LY86: variants seen among roughly 807,000 people sequenced by gnomAD.
The protein encoded by LY86 is MD-1, RP105-associated.
LY86 carries 20 observed loss-of-function variants against 17.3 expected under a neutral mutation model. The observed-to-expected ratio is 1.15, with a 90% CI of 0.81 to 1.68. The LOEUF (loss-of-function observed/expected upper bound fraction) is 1.68. Ranked by LOEUF, LY86 falls within the 40% of genes most tolerant of loss-of-function variation. The pLI is 0.00. For synonymous variants in LY86, 74 were observed against 70.6 expected, an observed-to-expected ratio of 1.05 and a Z score of -0.24; for missense variants, 200 against 191.9, an observed-to-expected ratio of 1.04 and a Z score of -0.25.
At chr6:6,611,376 C>T (rs1488863897) in intron 1 of LY86, among the ~76,000 whole-genome samples, 1 of 152,176 alleles carries the variant, frequency 6.6e-6, no homozygotes, top group Non-Finnish European at 1.5e-5. Flanking sequence ...CCTCAGTTTT[C>T]CCAATTCTAA....
intron 1 of LY86, among the ~76,000 whole-genome samples, chr6:6,612,085 G>A (rs747955173): frequency 6.6e-6 from 1 of 152,178 alleles, no homozygotes; most frequent in Non-Finnish European, 1.5e-5. Context: ...AGCAAGATTT[G>A]AGAAGATCCA....
chr6:6,650,243 C>A (rs1367891138), intron 4 of LY86, among the ~76,000 whole-genome samples: 1 of 152,188 alleles, frequency 6.6e-6, no homozygotes, highest in Non-Finnish European at 1.5e-5. Flanking sequence ...TCCACTAATT[C>A]CTTTCTGTTC....
In LY86 at chr6:6,610,340, T is replaced by TA. The variant is rs377649663; in HGVS notation, c.137-14579dup. On this transcript the variant is annotated intron_variant, in intron 1 of 4. Transcript: ENST00000230568. ...ATTTCAAGATAAAAAGATTTTATTT[T>TA]AAAAAAATGGCCTGAAGCTCTTGAG... 4.7e-3 allele frequency among the ~76,000 whole-genome samples: 714 copies of TA among 152,244 alleles called. 5 individuals carry two copies. The highest frequency in any genetic ancestry group is 0.016 in the African/African-American group (657 of 41,532).
intron 4 of LY86, among the ~76,000 whole-genome samples, chr6:6,653,497 TG>T (rs1477293985): frequency 6.6e-6 from 1 of 152,158 alleles, no homozygotes; most frequent in Non-Finnish European, 1.5e-5. Flanking sequence ...GGTGCAGGAC[TG>T]GGGTGCTGGC....
At chr6:6,611,677 C>T (rs572855101) in intron 1 of LY86, among the ~76,000 whole-genome samples, 6 of 152,352 alleles carry the variant, frequency 3.9e-5, no homozygotes, top group South Asian at 2.1e-4. Context: ...CTTGTGGCTA[C>T]GCTGCGCGCC....
intron 1 of LY86, among the ~76,000 whole-genome samples, chr6:6,589,394 A>G (rs1039356603): frequency 1.3e-5 from 2 of 152,220 alleles, no homozygotes; most frequent in African/African-American, 4.8e-5. Context: ...AGCACTTCGC[A>G]TGCAGCTATC....
intron 1 of LY86, among the ~76,000 whole-genome samples, chr6:6,618,067 C>T (rs1011179622): frequency 1.4e-3 from 220 of 152,310 alleles, no homozygotes; most frequent in African/African-American, 5.0e-3. Context: ...TCTTGAACTC[C>T]TCACCTCAGG....
At chr6:6,611,067 G>T (rs1426425443) in intron 1 of LY86, among the ~76,000 whole-genome samples, 1 of 152,098 alleles carries the variant, frequency 6.6e-6, no homozygotes, top group Non-Finnish European at 1.5e-5. Context: ...TTAAGATCTG[G>T]CCGTGTCTGA....
rs1243969964 is a variant in LY86 at position 6,648,072 on chromosome 6, A to T, written c.353-1553A>T. Among the ~76,000 whole-genome samples, 4 of 151,770 alleles carry T rather than the reference A, an allele frequency of 2.6e-5. No homozygotes were observed. In the South Asian group the frequency reaches 6.3e-4, roughly 24 times the overall value. ...CACCCCCATCTATCCAGATGCTCAA[A>T]CCAAAATCTTCCTGGCCCCCACTCT... On this transcript the variant is annotated intron_variant, in intron 3 of 4. Transcript: ENST00000230568.
rs916038805 is a variant in LY86 at position 6,626,299 on chromosome 6, A to T, written c.230A>T (p.Asp77Val). 2.0e-5 allele frequency: 33 copies of T among 1,613,918 alleles called. No individual in the cohort carries two copies. The highest frequency in any genetic ancestry group is 1.4e-4 in the South Asian group (13 of 91,082). Residue 77 changes from aspartate (D) to valine (V), a missense_variant, in exon 3 of 5, where the codon GAC becomes GTC. Asp to Val is a radical substitution (Grantham distance 152, BLOSUM62 -3). Transcript: ENST00000230568. Reference sequence around the variant, plus strand: ...GTTCTTCTCTTTCCTCCAGGAGAGGACATCAAAGAGCTTTTTCTTGACCTA... The same window carrying T: ...GTTCTTCTCTTTCCTCCAGGAGAGGTCATCAAAGAGCTTTTTCTTGACCTA... ...NIRFGIILRE[D>V]IKELFLDLAL...
At chr6:6,607,396 TTTAAGATTTA>T (rs1312633432) in intron 1 of LY86, among the ~76,000 whole-genome samples, 2 of 152,226 alleles carry the variant, frequency 1.3e-5, no homozygotes, top group Non-Finnish European at 1.5e-5. Flanking sequence ...GAAGTTTATT[TTTAAGATTTA>T]TTAAGATATT....
chr6:6,619,012 T>C (rs1761616163), intron 1 of LY86, among the ~76,000 whole-genome samples: 1 of 152,222 alleles, frequency 6.6e-6, no homozygotes, highest in Non-Finnish European at 1.5e-5. Flanking sequence ...TGCATTGTGC[T>C]GGTAATGGAT....
chr6:6,600,826 C>T (rs988241533), intron 1 of LY86, among the ~76,000 whole-genome samples: 22 of 152,060 alleles, frequency 1.4e-4, no homozygotes, highest in African/African-American at 2.4e-5. Context: ...GGATATTTTC[C>T]TAAAGGGAAG....
At chr6:6,610,655 G>C (rs973262305) in intron 1 of LY86, among the ~76,000 whole-genome samples, 1 of 152,170 alleles carries the variant, frequency 6.6e-6, no homozygotes, top group Non-Finnish European at 1.5e-5. Flanking sequence ...GGTCAAGCTA[G>C]AAGGCCAAAG....
intron 3 of LY86, among the ~76,000 whole-genome samples, chr6:6,628,690 G>A (rs1761846949): frequency 6.6e-6 from 1 of 152,088 alleles, no homozygotes; most frequent in African/African-American, 2.4e-5. Flanking sequence ...CGGTTAGTGT[G>A]TGTCCCTCCC....
In LY86 at chr6:6,625,021, A is replaced by G; in HGVS notation, c.223+9A>G. On this transcript the variant is annotated intron_variant, in intron 2 of 4. Transcript: ENST00000230568. ...ATTTGGAATTATTCTGAGTAAGTAA[A>G]AAAAATGATTAGCATGAAATAAAAC... 1 of 1,274,742 alleles carries G rather than the reference A, an allele frequency of 7.8e-7. No homozygotes were observed. The highest frequency in any genetic ancestry group is 2.3e-5 in the East Asian group (1 of 42,670). 79.0% of individuals were successfully genotyped at this position (1,274,742 alleles called of 1,614,324 possible).
intron 1 of LY86, among the ~76,000 whole-genome samples, chr6:6,603,523 TAAAA>T (rs200582559): frequency 2.2e-5 from 3 of 136,344 alleles, no homozygotes; most frequent in Admixed American, 7.2e-5. Context: ...GAGCTTGCAA[TAAAA>T]AAAATAGCAA....
At chr6:6,618,312 C>T (rs1761599737) in intron 1 of LY86, among the ~76,000 whole-genome samples, 1 of 152,204 alleles carries the variant, frequency 6.6e-6, no homozygotes, top group African/African-American at 2.4e-5. Context: ...GCCATCTCCT[C>T]CTATGCTGAT....
At chr6:6,628,167 C>T (rs539221293) in intron 3 of LY86, among the ~76,000 whole-genome samples, 5 of 152,062 alleles carry the variant, frequency 3.3e-5, no homozygotes, top group African/African-American at 9.6e-5. Context: ...ATCATTAGTC[C>T]GTCCCTATTT....
Sources: gnomAD v4.1 joint callset for allele counts (sites outside exome capture counted in the v4.1 genomes callset) on GRCh38, gnomAD v4.1.1 for gene constraint, MANE v1.5 for transcripts, NCBI Gene and HGNC (gene_info 2026-07-23, HGNC 2026-07-21) for gene names.